The following NBEAL1 variants were observed in gnomAD, a reference collection of about 807,000 sequenced individuals.
NBEAL1 encodes neurobeachin-like protein 1.
In NBEAL1, 273 loss-of-function variants were observed where a neutral mutation model predicts 351.3. That is an observed-to-expected ratio of 0.78 (90% confidence interval 0.70 to 0.86). NBEAL1 has a LOEUF of 0.86. Ranked by LOEUF, NBEAL1 falls within the 40% of genes least tolerant of loss-of-function variation. NBEAL1 has a pLI of 0.00. For missense variants in NBEAL1, 2,961 were observed against 3,201.3 expected (o/e 0.92, Z 1.81); for synonymous variants, 1,050 against 1,086.4 (o/e 0.97, Z 0.66).
intron 25 of NBEAL1, among the ~76,000 whole-genome samples, chr2:203,131,217 A>T (rs1396757759): frequency 6.6e-6 from 1 of 152,032 alleles, no homozygotes; most frequent in Non-Finnish European, 1.5e-5. Context: ...TCTTTTTTAA[A>T]ATTTGTTTAT....
At position 203,221,798 on chromosome 2, in the gene NBEAL1, CAT is replaced by C. The variant is rs2065956868; in HGVS notation, c.*4445_*4446del. On this transcript the variant is annotated 3_prime_UTR_variant, in exon 56 of 56. Transcript: ENST00000683969. ...AGAGTTTTCCTGTATTTATCAGAGT[CAT>C]GTGGTATTTTTCTTGATGACCTTAG... is the stretch of plus-strand genomic sequence containing the variant. Among the ~76,000 whole-genome samples, 1 of 152,162 alleles carries C rather than the reference CAT, an allele frequency of 6.6e-6. No individual in the cohort carries two copies. The highest frequency in any genetic ancestry group is 2.1e-4 in the South Asian group (1 of 4,828).
At chr2:203,159,402 A>G (rs1049614747) in intron 36 of NBEAL1, among the ~76,000 whole-genome samples, 1 of 151,732 alleles carries the variant, frequency 6.6e-6, no homozygotes, top group East Asian at 1.9e-4. Context: ...CCTGGCAACC[A>G]CTAATTACTT....
chr2:203,119,083 T>G (rs2062764583), intron 18 of NBEAL1, among the ~76,000 whole-genome samples: 1 of 152,078 alleles, frequency 6.6e-6, no homozygotes, highest in African/African-American at 2.4e-5. Flanking sequence ...TAAAACAGAT[T>G]ACTGAAGGAA....
intron 38 of NBEAL1, among the ~76,000 whole-genome samples, chr2:203,169,005 A>G (rs1427666841): frequency 1.3e-5 from 2 of 152,054 alleles, no homozygotes; most frequent in African/African-American, 2.4e-5. Context: ...AATTCACAGT[A>G]CTATAAGGAT....
chr2:203,161,599 A>C (rs1005154008), intron 36 of NBEAL1, among the ~76,000 whole-genome samples: 1 of 151,734 alleles, frequency 6.6e-6, no homozygotes, highest in African/African-American at 2.4e-5. Context: ...ACTGCACTCC[A>C]GCCTGGGTGA....
intron 2 of NBEAL1, among the ~76,000 whole-genome samples, chr2:203,018,141 T>A (rs190330142): frequency 7.9e-5 from 12 of 152,260 alleles, no homozygotes; most frequent in Admixed American, 7.8e-4. Context: ...AAGTCTTCTT[T>A]CTAATGAGGA....
At chr2:203,177,948 G>C (rs1187487117) in intron 42 of NBEAL1, among the ~76,000 whole-genome samples, 1 of 151,816 alleles carries the variant, frequency 6.6e-6, no homozygotes, top group Non-Finnish European at 1.5e-5. Flanking sequence ...GAACCCGGGA[G>C]GCGGACATTG....
chr2:203,049,978 A>G lies in NBEAL1; in HGVS notation c.305+3A>G, dbSNP rs564305159. On this transcript the variant is annotated splice_donor_region_variant and intron_variant, in intron 4 of 55. Transcript: ENST00000683969. Reference sequence around the variant, plus strand: ...AAGTTCTTCATTATTCTTTGCAGGTATCTAGTAGAAAAAATAAGCTAGTTT... The same window carrying G: ...AAGTTCTTCATTATTCTTTGCAGGTGTCTAGTAGAAAAAATAAGCTAGTTT... 1 of 1,550,462 alleles carries G rather than the reference A, an allele frequency of 6.4e-7. No individual in the cohort carries two copies. The highest frequency in any genetic ancestry group is 8.7e-7 in the Non-Finnish European group (1 of 1,146,218).
rs193154637 is a variant in NBEAL1 at position 203,045,556 on chromosome 2, T to C, written c.143+3700T>C. Reference sequence around the variant, plus strand: ...ATAGAATTTGGCATTCCTTATAATATGCTTTGTGGCTTTTTTCTGTGTAAT... The same window carrying C: ...ATAGAATTTGGCATTCCTTATAATACGCTTTGTGGCTTTTTTCTGTGTAAT... On this transcript the variant is annotated intron_variant, in intron 3 of 55. Transcript: ENST00000683969. Among the ~76,000 whole-genome samples the C allele has an allele frequency of 1.1e-3, 169 of 152,362 alleles. 1 individual carries two copies. The Middle Eastern group carries it at 0.014, about 12-fold the overall frequency.
In NBEAL1 at chr2:203,184,074, TA is replaced by T. The variant is rs1170251389; in HGVS notation, c.6705+711del. Among the ~76,000 whole-genome samples the T allele has an allele frequency of 6.5e-3, 576 of 87,994 alleles. 1 individual carries two copies. The highest frequency in any genetic ancestry group is 0.022 in the African/African-American group (466 of 21,424). The allele number at this position is 87,994 out of a possible 152,430, so 57.7% of individuals were successfully genotyped here. A position where few individuals can be genotyped will look rare whatever the true frequency, so the allele number is the denominator to read the frequency against. On this transcript the variant is annotated intron_variant, in intron 44 of 55. Coordinates refer to ENST00000683969, the MANE Select transcript of NBEAL1 (RefSeq NM_001378026.1). ...GCCCAGGCGACAGAGCGAGACTGTCTAAAAAAAAAAAAAAAAAAAAAAAAAG... is the reference window on the plus strand; with the variant it reads ...GCCCAGGCGACAGAGCGAGACTGTCTAAAAAAAAAAAAAAAAAAAAAAAAG...
At chr2:203,140,171 C>T (rs1300727963) in intron 31 of NBEAL1, among the ~76,000 whole-genome samples, 4 of 151,854 alleles carry the variant, frequency 2.6e-5, no homozygotes, top group Admixed American at 6.6e-5. Context: ...GGCGTGCTGG[C>T]GCATGCCTGT....
intron 35 of NBEAL1, among the ~76,000 whole-genome samples, chr2:203,153,100 G>A (rs560321632): frequency 2.0e-5 from 3 of 152,130 alleles, no homozygotes; most frequent in African/African-American, 7.2e-5. Flanking sequence ...AGTTTTAGAT[G>A]ACAGGAGTAC....
At chr2:203,014,682 C>T (rs1184010535), upstream of NBEAL1, 1 of 152,336 alleles carries the variant, frequency 6.6e-6, no homozygotes, top group Non-Finnish European at 1.5e-5. Context: ...GATGGGCAGC[C>T]AGAGCCTGTC....
At chr2:203,190,574 C>T (rs1189376931) in intron 46 of NBEAL1, 185 bp downstream of exon 46, 2 of 683,082 alleles carry the variant, frequency 2.9e-6, no homozygotes, top group African/African-American at 1.8e-5. Flanking sequence ...TTAGGGTATG[C>T]CATTAAAACT....
chr2:203,119,423 G>GTTTTTT (rs1559379701), intron 18 of NBEAL1, among the ~76,000 whole-genome samples: 31 of 21,418 alleles, frequency 1.4e-3, no homozygotes, highest in Middle Eastern at 0.031. Context: ...ACGGCCTGTT[G>GTTTTTT]CTTTTTTTTT....
intron 36 of NBEAL1, among the ~76,000 whole-genome samples, chr2:203,161,532 G>A (rs565105353): frequency 1.8e-4 from 28 of 151,760 alleles, no homozygotes; most frequent in Non-Finnish European, 3.7e-4. Context: ...AGGAGGCTGA[G>A]GCAGGAGAAT....
At chr2:203,128,667 G>A (rs907173936) in intron 24 of NBEAL1, among the ~76,000 whole-genome samples, 3 of 146,468 alleles carry the variant, frequency 2.0e-5, no homozygotes, top group Admixed American at 7.1e-5. Flanking sequence ...GCACAATCTC[G>A]GCTCACTGCA....
rs912793393 is a variant in NBEAL1, at chr2:203,057,467, A to G, written c.515+14A>G. The G allele has an allele frequency of 5.2e-6, 8 of 1,537,804 alleles. No individual in the cohort carries two copies. Among genetic ancestry groups the G allele is most frequent in the Non-Finnish European group, 7.0e-6 (8 of 1,138,802 alleles). ...TAGAATTTCAGGGTATGTCTTATAA[A>G]TAATAACGTTCATTTAAAACCTGAA... On this transcript the variant is annotated intron_variant, in intron 6 of 55. Coordinates refer to ENST00000683969, the MANE Select transcript of NBEAL1 (RefSeq NM_001378026.1).
chr2:203,130,244 T>C, intron 24 of NBEAL1, 74 bp from the exon 25 acceptor site: 1 of 1,311,412 alleles, frequency 7.6e-7, no homozygotes, highest in Non-Finnish European at 1.0e-6. Context: ...TAAATAACTT[T>C]TGTGGCTTAT....
Sources: gnomAD v4.1 joint callset for allele counts (sites outside exome capture counted in the v4.1 genomes callset) on GRCh38, gnomAD v4.1.1 for gene constraint, MANE v1.5 for transcripts, NCBI Gene and HGNC (gene_info 2026-07-23, HGNC 2026-07-21) for gene names.